RGS12: variants seen among roughly 807,000 people sequenced by gnomAD.
RGS12 encodes regulator of G protein signaling 12, also known as regulator of G-protein signaling 12.
In RGS12, 66 loss-of-function variants were observed where a neutral mutation model predicts 120.1. That is an observed-to-expected ratio of 0.55 (90% confidence interval 0.45 to 0.67). RGS12 has a LOEUF of 0.67. RGS12 is among the 30% of genes least tolerant of loss of function. The pLI, the probability that RGS12 is intolerant of heterozygous loss-of-function variation, is 0.00. For missense variants in RGS12, 1,859 were observed against 1,957.7 expected (o/e 0.95, Z 0.95); for synonymous variants, 827 against 804.7 (o/e 1.03, Z -0.47).
intron 4 of RGS12, among the ~76,000 whole-genome samples, chr4:3,397,825 A>C (rs1024656532): frequency 1.3e-5 from 2 of 152,232 alleles, no homozygotes; most frequent in African/African-American, 4.8e-5. Flanking sequence ...GTAATTATAG[A>C]TCATGCAGAA....
chr4:3,323,455 C>T (rs1227029366), intron 2 of RGS12, among the ~76,000 whole-genome samples: 2 of 152,238 alleles, frequency 1.3e-5, no homozygotes, highest in East Asian at 1.9e-4. Flanking sequence ...TGCACAGGCT[C>T]TTGGATATTC....
Position 3,310,101 on chromosome 4 carries a change from C to T in RGS12, c.-101-5969C>T, listed in dbSNP as rs33971493. On this transcript the variant is annotated intron_variant, in intron 1 of 17. Coordinates refer to ENST00000336727, the MANE Select transcript of RGS12 (RefSeq NM_001394154.1). Reference sequence around the variant, plus strand: ...CTGGGACCCGGGAAATGGCAGGTGTCCTCTGAGGAGAGCTGAGCAGGAGAG... The same window carrying T: ...CTGGGACCCGGGAAATGGCAGGTGTTCTCTGAGGAGAGCTGAGCAGGAGAG... 9.6e-3 allele frequency among the ~76,000 whole-genome samples: 1,226 copies of T among 127,298 alleles called. 67 individuals carry two copies. The highest frequency in any genetic ancestry group is 0.02 in the South Asian group (71 of 3,620). The allele number at this position is 127,298 out of a possible 152,430, so 83.5% of individuals were successfully genotyped here.
In RGS12 at chr4:3,332,438, T is replaced by C. The variant is rs192273817; in HGVS notation, c.1882-10499T>C. On this transcript the variant is annotated intron_variant, in intron 2 of 17. Coordinates refer to ENST00000336727, the MANE Select transcript of RGS12 (RefSeq NM_001394154.1). The stretch of plus-strand genomic sequence containing the variant: ...CACTGTATAATCCATTGTGTGAATC[T>C]ACTGCTACATACACAGAGCCACTAA... Among the ~76,000 whole-genome samples, 260 of 152,366 alleles carry C rather than the reference T, an allele frequency of 1.7e-3. 2 individuals carry two copies. The highest frequency in any genetic ancestry group is 3.9e-3 in the Admixed American group (60 of 15,304).
At position 3,415,968 on chromosome 4, in the gene RGS12, T is replaced by G; in HGVS notation, c.2284-10T>G. 1 of 1,602,558 alleles carries G rather than the reference T, an allele frequency of 6.2e-7. No individual in the cohort carries two copies. Among genetic ancestry groups the G allele is most frequent in the Non-Finnish European group, 8.5e-7 (1 of 1,174,836 alleles). ...GCCTTGCCGGGCTGCTCAGGTGCCTTTCCTGTCAGCTTTCCTACAGGGCCC... is the reference window on the plus strand; with the variant it reads ...GCCTTGCCGGGCTGCTCAGGTGCCTGTCCTGTCAGCTTTCCTACAGGGCCC... On this transcript the variant is annotated splice_polypyrimidine_tract_variant and intron_variant, in intron 6 of 17. Transcript: ENST00000336727.
intron 17 of RGS12, 34 bp from the exon 18 acceptor site, chr4:3,439,421 A>G (rs1725123706): frequency 5.6e-6 from 9 of 1,610,198 alleles, no homozygotes; most frequent in Non-Finnish European, 7.6e-6. Flanking sequence ...GGGCCGGGCC[A>G]GGCAAGTGAC....
chr4:3,363,802 C>T (rs1715990399), intron 3 of RGS12, among the ~76,000 whole-genome samples: 1 of 152,052 alleles, frequency 6.6e-6, no homozygotes, highest in Non-Finnish European at 1.5e-5. Context: ...GACAGAACCC[C>T]TGGGACCCAG....
At chr4:3,401,992 C>G (rs1221253101) in intron 4 of RGS12, among the ~76,000 whole-genome samples, 1 of 152,216 alleles carries the variant, frequency 6.6e-6, no homozygotes, top group Non-Finnish European at 1.5e-5. Flanking sequence ...AGCCCCAGCT[C>G]CACCCCTGGG....
At chr4:3,438,191 C>G (rs1387675643) in intron 17 of RGS12, among the ~76,000 whole-genome samples, 1 of 152,136 alleles carries the variant, frequency 6.6e-6, no homozygotes, top group African/African-American at 2.4e-5. Context: ...CTCCTGCCAC[C>G]CCATAGGCGC....
At chr4:3,394,150 C>G (rs1316375782) in intron 4 of RGS12, among the ~76,000 whole-genome samples, 2 of 152,160 alleles carry the variant, frequency 1.3e-5, no homozygotes, top group Non-Finnish European at 2.9e-5. Flanking sequence ...CCGTCTGCTC[C>G]TTCAGCACAT....
Position 3,316,851 on chromosome 4 carries a change from C to G in RGS12, c.681C>G (p.Asn227Lys), listed in dbSNP as rs758536516. 1 of 1,614,060 alleles carries G rather than the reference C, an allele frequency of 6.2e-7. No individual in the cohort carries two copies. Among genetic ancestry groups the G allele is most frequent in the Non-Finnish European group, 8.5e-7 (1 of 1,180,034 alleles). ...DDFALDASIL[N>K]VAMIVGYLGS... is the part of the protein sequence containing the mutation. ...TTGCATTGGATGCAAGTATTTTAAA[C>G]GTGGCGATGATCGTGGGCTACTTAG... Residue 227 changes from asparagine to lysine, a missense_variant, in exon 2 of 18, where the codon AAC (asparagine) becomes AAG (lysine). This residue lies in a region of RGS12 where 967 missense variants were observed against 994.2 expected (regional missense o/e 0.97). Transcript: ENST00000336727.
chr4:3,318,784 G>T (rs949939618), intron 2 of RGS12, among the ~76,000 whole-genome samples: 1 of 152,132 alleles, frequency 6.6e-6, no homozygotes, highest in African/African-American at 2.4e-5. Context: ...GCGGGGCTGT[G>T]CCTGTGCGGT....
chr4:3,342,038 T>C (rs1163901274), intron 2 of RGS12, among the ~76,000 whole-genome samples: 1 of 151,774 alleles, frequency 6.6e-6, no homozygotes, highest in East Asian at 1.9e-4. Flanking sequence ...GAGGGTGGCC[T>C]GCTCCATCTG....
intron 4 of RGS12, among the ~76,000 whole-genome samples, chr4:3,388,081 C>T (rs1439859038): frequency 1.3e-5 from 2 of 152,146 alleles, no homozygotes; most frequent in African/African-American, 4.8e-5. Context: ...ATCCTGGCCA[C>T]GCAGAGATCC....
rs964742703 is a variant in RGS12, at chr4:3,366,665, G to A, written c.1999-19751G>A. Reference sequence around the variant, plus strand: ...AGAGTGCTTCTGTTCCCTCCAGGTCGAGCTGTGCGCCAGGCATGGCCGGAA... The same window carrying A: ...AGAGTGCTTCTGTTCCCTCCAGGTCAAGCTGTGCGCCAGGCATGGCCGGAA... On this transcript the variant is annotated intron_variant, in intron 3 of 17. Coordinates refer to ENST00000336727, the MANE Select transcript of RGS12 (RefSeq NM_001394154.1). The surrounding 1 kb of genome is among the most constrained non-coding windows in gnomAD (Gnocchi z 4.0). Among the ~76,000 whole-genome samples, 2 of 152,184 alleles carry A rather than the reference G, an allele frequency of 1.3e-5. No individual in the cohort carries two copies. The highest frequency in any genetic ancestry group is 2.9e-5 in the Non-Finnish European group (2 of 68,016).
At chr4:3,370,599 C>T (rs561613776) in intron 3 of RGS12, among the ~76,000 whole-genome samples, 8 of 152,238 alleles carry the variant, frequency 5.3e-5, no homozygotes, top group African/African-American at 1.2e-4. Flanking sequence ...TCAGAACTTA[C>T]GGAAAGCGTC....
Position 3,430,446 on chromosome 4 carries a change from C to T in RGS12, c.3605C>T (p.Ala1202Val), listed in dbSNP as rs1724145798. 2 of 1,613,846 alleles carry T rather than the reference C, an allele frequency of 1.2e-6. No homozygotes were observed. Reference sequence around the variant, plus strand: ...ATTTCCAAAGCTCAGAGCAACAGAGCAGATGACCAACGTGGGCTGCTAAGG... The same window carrying T: ...ATTTCCAAAGCTCAGAGCAACAGAGTAGATGACCAACGTGGGCTGCTAAGG... The part of the protein sequence containing the change: ...ELISKAQSNR[A>V]DDQRGLLRKE... The change falls in exon 17 of 18, where the codon GCA becomes GTA. Residue 1202 changes from alanine to valine, a missense_variant. Transcript: ENST00000336727.
intron 3 of RGS12, among the ~76,000 whole-genome samples, chr4:3,369,219 A>G (rs1716711634): frequency 6.6e-6 from 1 of 152,194 alleles, no homozygotes. Context: ...TGTTACGTGC[A>G]CAGCTCCTGA....
chr4:3,411,686 C>A (rs73079009), intron 4 of RGS12, among the ~76,000 whole-genome samples: 1 of 152,258 alleles, frequency 6.6e-6, no homozygotes, highest in Admixed American at 6.5e-5. Flanking sequence ...GGACCCCTGC[C>A]CCAGAGAGAG....
At chr4:3,364,907 G>A (rs566765798) in intron 3 of RGS12, among the ~76,000 whole-genome samples, 5 of 152,134 alleles carry the variant, frequency 3.3e-5, no homozygotes, top group East Asian at 1.9e-4. Context: ...GACCCTCCCC[G>A]TGGCGAGAGG....
Sources: allele counts gnomAD v4.1 joint callset (sites outside exome capture counted in the v4.1 genomes callset), GRCh38; gene constraint gnomAD v4.1.1; regional missense constraint gnomAD v4.1.1; non-coding constraint Gnocchi (gnomAD v3.1); transcripts MANE v1.5; gene names NCBI Gene and HGNC (gene_info 2026-07-23, HGNC 2026-07-21).